The following IP6K3 variants were observed in gnomAD, a reference collection of about 807,000 sequenced individuals.
The protein encoded by IP6K3 is inositol hexakisphosphate kinase 3.
IP6K3 carries 20 observed loss-of-function variants against 28.8 expected under a neutral mutation model. The observed-to-expected ratio is 0.70, with a 90% confidence interval of 0.49 to 1.01. The LOEUF (loss-of-function observed/expected upper bound fraction) is 1.01, where lower values mean the gene tolerates loss of function less well. Ranked by LOEUF, IP6K3 falls within the 50% of genes least tolerant of loss-of-function variation. IP6K3 has a pLI of 0.00. For missense variants in IP6K3, 480 were observed against 537.1 expected (o/e 0.89, Z 1.05); for synonymous variants, 213 against 221.3 (o/e 0.96, Z 0.33).
At chr6:33,730,217 T>G (rs1561903040) in intron 2 of IP6K3, among the ~76,000 whole-genome samples, 1 of 152,208 alleles carries the variant, frequency 6.6e-6, no homozygotes, top group Non-Finnish European at 1.5e-5. Context: ...TCTCTCGGCT[T>G]GCATGCCTGC....
At chr6:33,730,563 C>G (rs1766283119) in intron 2 of IP6K3, among the ~76,000 whole-genome samples, 1 of 152,230 alleles carries the variant, frequency 6.6e-6, no homozygotes, top group South Asian at 2.1e-4. Flanking sequence ...CGCTGTCCTG[C>G]TCGTGAGACA....
At chr6:33,754,995 A>T in the IP6K3 span, among the ~76,000 whole-genome samples, 9 of 152,320 alleles carry the variant, frequency 5.9e-5, no homozygotes, top group Admixed American at 5.2e-4. Context: ...CAGGGTTGAG[A>T]GTCCCCTGGG....
At chr6:33,748,681 G>A (rs1366292262), upstream of IP6K3, among the ~76,000 whole-genome samples, 2 of 149,290 alleles carry the variant, frequency 1.3e-5, no homozygotes, top group East Asian at 3.9e-4. Context: ...TCCCGTGATG[G>A]GGAGGCTGCA....
intron 2 of IP6K3, among the ~76,000 whole-genome samples, chr6:33,728,591 G>A (rs946417575): frequency 1.3e-5 from 2 of 152,124 alleles, no homozygotes; most frequent in Non-Finnish European, 1.5e-5. Context: ...AGTCAACTCC[G>A]CACATTTTGT....
chr6:33,745,773 G>A (rs73743328), intron 1 of IP6K3, among the ~76,000 whole-genome samples: 16,422 of 152,158 alleles, frequency 0.11, 1,148 homozygotes, highest in African/African-American at 0.19. Context: ...GTGAGGACCT[G>A]CTGAGGACTT....
rs138507148 is a variant in IP6K3, at chr6:33,739,725, A to G, written c.-179-4070T>C. On this transcript the variant is annotated intron_variant, in intron 1 of 5. Transcript: ENST00000293756. ...GACCTTCCTTTTGCCACATGCAGGCACTTCTGCCGTTGGCATGGGCCCTGC... is the reference window on the plus strand; with the variant it reads ...GACCTTCCTTTTGCCACATGCAGGCGCTTCTGCCGTTGGCATGGGCCCTGC... Among the ~76,000 whole-genome samples, 180 of 152,296 alleles carry G rather than the reference A, an allele frequency of 1.2e-3. 3 individuals carry two copies. The East Asian group carries it at 0.032, about 27-fold the overall frequency.
chr6:33,745,566 G>T (rs935414004), intron 1 of IP6K3, among the ~76,000 whole-genome samples: 1 of 152,158 alleles, frequency 6.6e-6, no homozygotes, highest in African/African-American at 2.4e-5. Context: ...AATCACCATG[G>T]TGGGGGGTCG....
In IP6K3 at chr6:33,722,534, T is replaced by C; in HGVS notation, c.*186A>G. ...CATTAGAGCATAATGCCAGGGGATG[T>C]GGAATCACCTCCAGAGCTGATTTGT... is the stretch of plus-strand genomic sequence containing the variant. On this transcript the variant is annotated 3_prime_UTR_variant, in exon 6 of 6. Coordinates refer to ENST00000293756, the MANE Select transcript of IP6K3 (RefSeq NM_054111.5). 1.9e-6 allele frequency: 1 copy of C among 516,030 alleles called. No individual in the cohort carries two copies. The highest frequency in any genetic ancestry group is 3.4e-6 in the Non-Finnish European group (1 of 291,940). The allele number at this position is 516,030 out of a possible 1,614,324, so 32.0% of individuals were successfully genotyped here.
Position 33,746,105 on chromosome 6 carries a change from G to C in IP6K3, c.-180+653C>G, listed in dbSNP as rs910834215. ...TCACTAGGGTACCTAGAAGAGTCAT[G>C]GGTGGGGGCCAAGACTCCACCACTG... On this transcript the variant is annotated intron_variant, in intron 1 of 5. Transcript: ENST00000293756. The surrounding 1 kb of genome is among the most constrained non-coding windows in gnomAD (Gnocchi z 6.5). Among the ~76,000 whole-genome samples the C allele has an allele frequency of 7.2e-5, 11 of 152,098 alleles. No homozygotes were observed. The highest frequency in any genetic ancestry group is 1.6e-4 in the Non-Finnish European group (11 of 68,006).
At chr6:33,752,901 G>GTATC in the IP6K3 span, among the ~76,000 whole-genome samples, 1 of 152,204 alleles carries the variant, frequency 6.6e-6, no homozygotes, top group Admixed American at 6.5e-5. Flanking sequence ...TTAGCACAGT[G>GTATC]TATCAAACAG....
the IP6K3 span, among the ~76,000 whole-genome samples, chr6:33,754,000 G>T: frequency 9.6e-3 from 1,456 of 152,012 alleles, 13 homozygotes; most frequent in African/African-American, 0.025. Context: ...TAGTAGAGAC[G>T]GGGTTTCACC....
the IP6K3 span, among the ~76,000 whole-genome samples, chr6:33,754,155 G>GC: frequency 6.6e-6 from 1 of 152,202 alleles, no homozygotes; most frequent in Admixed American, 6.5e-5. Flanking sequence ...GGACATAGAA[G>GC]TCCCCAGAGG....
the IP6K3 span, among the ~76,000 whole-genome samples, chr6:33,760,038 G>A: frequency 6.6e-6 from 1 of 152,226 alleles, no homozygotes; most frequent in African/African-American, 2.4e-5. Flanking sequence ...CTGAGCCTGC[G>A]AGCCTGCGGG....
Position 33,728,193 on chromosome 6 carries a change from C to T in IP6K3, c.307G>A (p.Ala103Thr), listed in dbSNP as rs748047490. The change falls in exon 3 of 6, where the codon GCG (alanine) becomes ACG (threonine). Residue 103 changes from alanine (A) to threonine (T), a missense_variant. Ala to Thr is a moderately conservative substitution (Grantham distance 58). Transcript: ENST00000293756. ...TGGAGCGTCTGCCATATGGCCACCG[C>T]CGCCGACTCTGTGGAGACCTTGAAG... Reference protein sequence around the residue: ...EPFKVSTESAAVAIWQTLQQT... With the variant: ...EPFKVSTESATVAIWQTLQQT... 3 of 1,613,974 alleles carry T rather than the reference C, an allele frequency of 1.9e-6. No homozygotes were observed. Among genetic ancestry groups the T allele is most frequent in the Middle Eastern group, 3.3e-4 (2 of 6,062 alleles).
At chr6:33,728,041 C>G in intron 3 of IP6K3, 46 bp downstream of exon 3, 2 of 1,585,864 alleles carry the variant, frequency 1.3e-6, no homozygotes, top group Non-Finnish European at 1.7e-6. Flanking sequence ...CAGTGCCGGT[C>G]CCTGCCGAGG....
the IP6K3 span, among the ~76,000 whole-genome samples, chr6:33,752,421 G>A: frequency 6.6e-6 from 1 of 152,210 alleles, no homozygotes; most frequent in Non-Finnish European, 1.5e-5. Flanking sequence ...ACCCTGCCCT[G>A]AGCATCTCCC....
intron 5 of IP6K3, 24 bp downstream of exon 5, chr6:33,725,417 T>C (rs747792166): frequency 6.3e-7 from 1 of 1,594,606 alleles, no homozygotes; most frequent in South Asian, 1.1e-5. Context: ...TGTCCCCCCC[T>C]GTGGTGGGTC....
At chr6:33,748,924 C>T (rs1766983406), upstream of IP6K3, among the ~76,000 whole-genome samples, 1 of 152,098 alleles carries the variant, frequency 6.6e-6, no homozygotes, top group Non-Finnish European at 1.5e-5. Flanking sequence ...GATCACATTT[C>T]ACCAGGGAAG....
chr6:33,759,303 G>A, the IP6K3 span, among the ~76,000 whole-genome samples: 42 of 152,080 alleles, frequency 2.8e-4, no homozygotes, highest in Non-Finnish European at 4.7e-4. Flanking sequence ...TTGAGACAGA[G>A]TCTCGCTCTG....
Sources: allele counts gnomAD v4.1 joint callset (sites outside exome capture counted in the v4.1 genomes callset), GRCh38; gene constraint gnomAD v4.1.1; non-coding constraint Gnocchi (gnomAD v3.1); transcripts MANE v1.5; gene names NCBI Gene and HGNC (gene_info 2026-07-23, HGNC 2026-07-21).